Variants in EHBP1 observed in about 807,000 individuals in gnomAD.
EHBP1 encodes the protein EH domain binding protein 1.
In EHBP1, 55 loss-of-function variants were observed where a neutral mutation model predicts 144.0. The ratio of observed to expected loss-of-function variants is 0.38; its 90% CI spans 0.31 to 0.48. EHBP1 has a LOEUF of 0.48. Among genes scored for constraint, EHBP1 ranks in the 20% least tolerant of loss-of-function variants. EHBP1 has a pLI of 0.98. For synonymous variants in EHBP1, 469 were observed against 472.7 expected (o/e 0.99, Z 0.10); for missense variants, 1,200 against 1,364.2 (o/e 0.88, Z 1.90).
chr2:62,996,690 A>G lies in EHBP1; in HGVS notation c.3027A>G (p.Ala1009=), dbSNP rs2153225401. ...AGTATGTAGTAGGAGAATTGGCAGC[A>G]CTAGAGAATGAGCAAAAGCAAATTG... ...TSQYVVGELA[A]LENEQKQIDT... Residue 1009 remains alanine (A), a synonymous_variant, in exon 19 of 23, where the codon GCA becomes GCG. Coordinates refer to ENST00000431489, the MANE Select transcript of EHBP1 (RefSeq NM_001142616.3). 1.2e-6 allele frequency: 2 copies of G among 1,613,502 alleles called. No individual in the cohort carries two copies. The highest frequency in any genetic ancestry group is 4.5e-5 in the East Asian group (2 of 44,820).
At chr2:62,870,933 AT>A (rs1348996772) in intron 9 of EHBP1, among the ~76,000 whole-genome samples, 1 of 151,962 alleles carries the variant, frequency 6.6e-6, no homozygotes, top group Non-Finnish European at 1.5e-5. Flanking sequence ...ATCTCCAAAA[AT>A]CTCAGAGTTA....
chr2:62,924,520 A>T (rs2055340163), intron 10 of EHBP1, among the ~76,000 whole-genome samples: 1 of 152,188 alleles, frequency 6.6e-6, no homozygotes, highest in Admixed American at 6.5e-5. Flanking sequence ...ATGAAAAAGG[A>T]GACATCACAA....
intron 10 of EHBP1, among the ~76,000 whole-genome samples, chr2:62,878,751 G>A (rs1332491105): frequency 6.6e-6 from 1 of 152,092 alleles, no homozygotes; most frequent in Non-Finnish European, 1.5e-5. Context: ...GCTCATACCT[G>A]TAATCCTAGC....
intron 1 of EHBP1, among the ~76,000 whole-genome samples, chr2:62,697,675 T>A (rs2034148665): frequency 1.3e-5 from 2 of 152,228 alleles, no homozygotes; most frequent in Non-Finnish European, 2.9e-5. Context: ...TTGACCTTAA[T>A]AATTATTCAC....
At chr2:62,941,954 AATCTT>A (rs1373654135) in intron 10 of EHBP1, among the ~76,000 whole-genome samples, 2 of 152,112 alleles carry the variant, frequency 1.3e-5, no homozygotes, top group Non-Finnish European at 2.9e-5. Context: ...GTTAATATAT[AATCTT>A]AGGTTTGTTA....
chr2:62,966,089 ATTAAC>A (rs1028366712), intron 14 of EHBP1, among the ~76,000 whole-genome samples: 7 of 152,222 alleles, frequency 4.6e-5, no homozygotes, highest in Non-Finnish European at 7.4e-5. Context: ...AGTTGAACAA[ATTAAC>A]TTAGAGTCTG....
intron 3 of EHBP1, among the ~76,000 whole-genome samples, chr2:62,752,456 T>C (rs965869396): frequency 7.2e-5 from 11 of 152,326 alleles, no homozygotes; most frequent in African/African-American, 2.6e-4. Context: ...GTATATTCTG[T>C]TGATCTGGGG....
intron 7 of EHBP1, among the ~76,000 whole-genome samples, chr2:62,842,301 G>T (rs750225405): frequency 6.6e-6 from 1 of 152,102 alleles, no homozygotes; most frequent in Non-Finnish European, 1.5e-5. Flanking sequence ...TGGCCAGGCT[G>T]GTCTTGAACT....
intron 2 of EHBP1, among the ~76,000 whole-genome samples, chr2:62,718,955 AG>A (rs1362166999): frequency 6.6e-6 from 1 of 151,640 alleles, no homozygotes; most frequent in Non-Finnish European, 1.5e-5. Context: ...GTTGAGAGAT[AG>A]CTATTCTGAA....
chr2:62,783,566 C>T (rs538191278), intron 5 of EHBP1, among the ~76,000 whole-genome samples: 4 of 152,256 alleles, frequency 2.6e-5, no homozygotes, highest in East Asian at 1.9e-4. Flanking sequence ...CCCAACACCA[C>T]GTAGAAGCTG....
chr2:62,704,812 T>G (rs1455998427), upstream of EHBP1, among the ~76,000 whole-genome samples: 1 of 152,190 alleles, frequency 6.6e-6, no homozygotes, highest in African/African-American at 2.4e-5. Context: ...ATCTGTAGCT[T>G]TCATATTCTC....
At chr2:62,861,748 G>GA (rs879805138) in intron 8 of EHBP1, among the ~76,000 whole-genome samples, 107 of 134,750 alleles carry the variant, frequency 7.9e-4, no homozygotes, top group Non-Finnish European at 8.3e-4. Flanking sequence ...TCCAGCTCAG[G>GA]AAAAAAAAAA....
intron 5 of EHBP1, among the ~76,000 whole-genome samples, chr2:62,796,459 G>C (rs1244955248): frequency 6.6e-6 from 1 of 152,150 alleles, no homozygotes; most frequent in Non-Finnish European, 1.5e-5. Context: ...GAGCTGACTA[G>C]TAATGTTTTA....
intron 1 of EHBP1, among the ~76,000 whole-genome samples, chr2:62,688,700 G>A (rs887883714): frequency 6.7e-5 from 10 of 149,004 alleles, no homozygotes; most frequent in African/African-American, 2.2e-4. Context: ...TTTTTTTTTA[G>A]CTTCCACAGA....
At chr2:62,757,390 C>G (rs185306247) in intron 3 of EHBP1, among the ~76,000 whole-genome samples, 2 of 146,628 alleles carry the variant, frequency 1.4e-5, no homozygotes, top group Admixed American at 6.8e-5. Context: ...AGAGTTTGAA[C>G]TACATGATAA....
chr2:62,857,925 T>A (rs1175220224), intron 7 of EHBP1, among the ~76,000 whole-genome samples: 1 of 152,130 alleles, frequency 6.6e-6, no homozygotes, highest in Non-Finnish European at 1.5e-5. Flanking sequence ...TGCCGATTTT[T>A]AAAATGCAAC....
chr2:62,902,127 C>T (rs972978269), intron 10 of EHBP1, among the ~76,000 whole-genome samples: 1 of 152,030 alleles, frequency 6.6e-6, no homozygotes, highest in Non-Finnish European at 1.5e-5. Flanking sequence ...GTTAGTTACA[C>T]GTTCTACAAG....
intron 5 of EHBP1, among the ~76,000 whole-genome samples, chr2:62,788,030 A>G (rs979346868): frequency 6.6e-6 from 1 of 152,096 alleles, no homozygotes; most frequent in Non-Finnish European, 1.5e-5. Flanking sequence ...CTTTGGGAGA[A>G]TTTTTTTCTT....
chr2:62,843,900 T>G (rs1263383837), intron 7 of EHBP1, among the ~76,000 whole-genome samples: 1 of 152,224 alleles, frequency 6.6e-6, no homozygotes, highest in Non-Finnish European at 1.5e-5. Flanking sequence ...ATACAGTTTG[T>G]ATTAACTCTT....
Sources: allele counts gnomAD v4.1 joint callset (sites outside exome capture counted in the v4.1 genomes callset), GRCh38; gene constraint gnomAD v4.1.1; transcripts MANE v1.5; gene names NCBI Gene and HGNC (gene_info 2026-07-23, HGNC 2026-07-21).